RANBP2: variants seen among roughly 807,000 people sequenced by gnomAD.
The protein encoded by RANBP2 is RAN binding protein 2.
RANBP2 carries 57 observed loss-of-function variants against 303.6 expected under a neutral mutation model. That is an observed-to-expected ratio of 0.19 (90% confidence interval 0.15 to 0.23). The LOEUF (loss-of-function observed/expected upper bound fraction) is 0.23, where lower values mean the gene tolerates loss of function less well. Among genes scored for constraint, RANBP2 ranks in the 10% least tolerant of loss-of-function variants. RANBP2 has a pLI of 1.00. For missense variants in RANBP2, 3,138 were observed against 3,780.8 expected, an observed-to-expected ratio of 0.83 and a Z score of 4.46; for synonymous variants, 1,167 against 1,301.5, an observed-to-expected ratio of 0.90 and a Z score of 2.23.
At chr2:109,430,195 A>G in the RANBP2 span, among the ~76,000 whole-genome samples, 2 of 152,244 alleles carry the variant, frequency 1.3e-5, no homozygotes, top group East Asian at 1.9e-4. Flanking sequence ...ACTGTTGCCC[A>G]TGGCCAGGAG....
At chr2:109,015,351 A>C in the RANBP2 span, among the ~76,000 whole-genome samples, 12 of 152,202 alleles carry the variant, frequency 7.9e-5, no homozygotes, top group South Asian at 2.1e-4. Context: ...GAAGATGTTG[A>C]GGATGAAGTC....
the RANBP2 span, among the ~76,000 whole-genome samples, chr2:109,686,425 C>T: frequency 4.0e-4 from 61 of 152,284 alleles, no homozygotes; most frequent in African/African-American, 1.3e-3. Flanking sequence ...CGCCATTCTC[C>T]TGCCTCAGCC....
the RANBP2 span, among the ~76,000 whole-genome samples, chr2:109,285,446 G>GC: frequency 6.6e-6 from 1 of 152,352 alleles, no homozygotes; most frequent in Non-Finnish European, 1.5e-5. Context: ...CAGTGTGCCT[G>GC]CTGTGCCGTG....
the RANBP2 span, among the ~76,000 whole-genome samples, chr2:109,426,814 T>C: frequency 6.6e-6 from 1 of 152,152 alleles, no homozygotes; most frequent in African/African-American, 2.4e-5. Flanking sequence ...TGCTGTCTTA[T>C]TTTAAGAAGT....
At chr2:109,585,157 C>T in the RANBP2 span, 1 of 1,594,418 alleles carries the variant, frequency 6.3e-7, no homozygotes, top group East Asian at 2.3e-5. Context: ...TCACCAAATC[C>T]CACTGTATTC....
the RANBP2 span, among the ~76,000 whole-genome samples, chr2:109,606,877 C>T: frequency 1.3e-5 from 2 of 151,970 alleles, no homozygotes; most frequent in African/African-American, 4.8e-5. Context: ...GTCTCAAACT[C>T]CTGACCGGAG....
chr2:109,369,480 T>C, the RANBP2 span, among the ~76,000 whole-genome samples: 1 of 152,276 alleles, frequency 6.6e-6, no homozygotes, highest in South Asian at 2.1e-4. Context: ...GCTCTTAGAA[T>C]GCTCTTTACG....
At chr2:109,067,058 C>G in the RANBP2 span, among the ~76,000 whole-genome samples, 2 of 146,954 alleles carry the variant, frequency 1.4e-5, no homozygotes, top group Non-Finnish European at 3.0e-5. Context: ...AGCAGAGAGG[C>G]AAAATAAAAA....
chr2:109,614,160 G>A, the RANBP2 span: 12 of 1,187,200 alleles, frequency 1.0e-5, no homozygotes, highest in Non-Finnish European at 9.4e-6. Context: ...AGGAATGCAG[G>A]CGGGAACTGC....
At chr2:109,123,323 C>T in the RANBP2 span, among the ~76,000 whole-genome samples, 224 of 13,606 alleles carry the variant, frequency 0.016, no homozygotes, top group South Asian at 0.093. Context: ...TCTTTCTTTC[C>T]TTCCTTCCTT....
chr2:109,466,919 GTGTA>G, the RANBP2 span, among the ~76,000 whole-genome samples: 4 of 151,846 alleles, frequency 2.6e-5, no homozygotes, highest in South Asian at 4.2e-4. Flanking sequence ...GTGTCTATAT[GTGTA>G]TGTATGCATG....
the RANBP2 span, among the ~76,000 whole-genome samples, chr2:109,151,454 G>C: frequency 6.6e-6 from 1 of 152,190 alleles, no homozygotes; most frequent in Non-Finnish European, 1.5e-5. Flanking sequence ...AATAGAATTT[G>C]AGCCACATAT....
the RANBP2 span, among the ~76,000 whole-genome samples, chr2:108,918,557 TC>T: frequency 6.6e-6 from 1 of 152,156 alleles, no homozygotes; most frequent in East Asian, 1.9e-4. Context: ...GGCAAAAATG[TC>T]CTCACAAGGC....
chr2:109,670,255 C>T, the RANBP2 span, among the ~76,000 whole-genome samples: 1 of 151,542 alleles, frequency 6.6e-6, no homozygotes, highest in Non-Finnish European at 1.5e-5. Flanking sequence ...TAGGCCTATG[C>T]CCCATGGTGG....
chr2:109,201,520 C>T, the RANBP2 span, among the ~76,000 whole-genome samples: 1 of 152,196 alleles, frequency 6.6e-6, no homozygotes. Flanking sequence ...CTTGCTGTCT[C>T]CTGCTAGGGT....
At chr2:109,545,625 ATAC>A in the RANBP2 span, 1 of 1,525,714 alleles carries the variant, frequency 6.6e-7, no homozygotes, top group South Asian at 1.2e-5. Context: ...ATTCAATAAA[ATAC>A]TATCTTATGT....
chr2:108,924,301 C>T, the RANBP2 span, among the ~76,000 whole-genome samples: 1 of 152,248 alleles, frequency 6.6e-6, no homozygotes, highest in African/African-American at 2.4e-5. Flanking sequence ...CCGTCCCGCT[C>T]CCAGGCACAG....
chr2:108,739,422 C>G (rs1008287588), intron 6 of RANBP2, among the ~76,000 whole-genome samples: 10 of 152,172 alleles, frequency 6.6e-5, no homozygotes, highest in East Asian at 3.9e-4. Flanking sequence ...AACAAAAAAA[C>G]TCAGCTCTAC....
intron 25 of RANBP2, among the ~76,000 whole-genome samples, chr2:108,777,884 T>C (rs1303440837): frequency 6.6e-6 from 1 of 152,194 alleles, no homozygotes; most frequent in Non-Finnish European, 1.5e-5. Context: ...TACATTTTAT[T>C]GAGGATATGT....
Sources: allele counts gnomAD v4.1 joint callset (sites outside exome capture counted in the v4.1 genomes callset), GRCh38; gene constraint gnomAD v4.1.1; transcripts MANE v1.5; gene names NCBI Gene and HGNC (gene_info 2026-07-23, HGNC 2026-07-21).